NKAIN3: variants seen among roughly 807,000 people sequenced by gnomAD.
NKAIN3 encodes sodium/potassium transporting ATPase interacting 3, also known as sodium/potassium-transporting ATPase subunit beta-1-interacting protein 3.
NKAIN3 carries 25 observed loss-of-function variants against 30.2 expected under a neutral mutation model. The observed-to-expected ratio is 0.83, with a 90% CI of 0.60 to 1.16. The LOEUF (loss-of-function observed/expected upper bound fraction) is 1.16, where lower values mean the gene tolerates loss of function less well. Among genes scored for constraint, NKAIN3 ranks in the 50% most tolerant of loss-of-function variants. The pLI, the probability that NKAIN3 is intolerant of heterozygous loss-of-function variation, is 0.00. For synonymous variants in NKAIN3, 91 were observed against 89.6 expected (o/e 1.02, Z -0.09); for missense variants, 225 against 254.1 (o/e 0.89, Z 0.78).
chr8:62,755,645 G>A (rs566079503), intron 4 of NKAIN3, among the ~76,000 whole-genome samples: 1 of 151,972 alleles, frequency 6.6e-6, no homozygotes, highest in African/African-American at 2.4e-5. Context: ...CCTTTTACCA[G>A]AAAATCTATT....
At chr8:62,830,855 A>C (rs555830280) in intron 4 of NKAIN3, among the ~76,000 whole-genome samples, 1 of 152,184 alleles carries the variant, frequency 6.6e-6, no homozygotes. Flanking sequence ...TTCTCACTGG[A>C]CATCCCTTCA....
At chr8:62,477,944 A>G (rs1806573586) in intron 1 of NKAIN3, among the ~76,000 whole-genome samples, 2 of 152,192 alleles carry the variant, frequency 1.3e-5, no homozygotes, top group South Asian at 4.1e-4. Flanking sequence ...ATCAATACAT[A>G]TATAACATAA....
intron 1 of NKAIN3, among the ~76,000 whole-genome samples, chr8:62,381,065 TA>T (rs1166661169): frequency 6.6e-6 from 1 of 152,194 alleles, no homozygotes. Flanking sequence ...GTTTTCCAAT[TA>T]AAAACATAAA....
chr8:62,501,425 T>G (rs1381461004), intron 1 of NKAIN3, among the ~76,000 whole-genome samples: 1 of 152,182 alleles, frequency 6.6e-6, no homozygotes, highest in Non-Finnish European at 1.5e-5. Context: ...GCTGGTATTC[T>G]TCTGCTATGT....
At chr8:62,468,479 A>T (rs1806228465) in intron 1 of NKAIN3, among the ~76,000 whole-genome samples, 1 of 152,070 alleles carries the variant, frequency 6.6e-6, no homozygotes, top group Admixed American at 6.6e-5. Flanking sequence ...CAATGAAGAG[A>T]TGTTTCCTTG....
chr8:62,290,846 C>T (rs10917921), intron 1 of NKAIN3, among the ~76,000 whole-genome samples: 30 of 152,070 alleles, frequency 2.0e-4, no homozygotes, highest in South Asian at 4.1e-4. Context: ...TGGTAGAATT[C>T]AGCTGTGAAT....
intron 4 of NKAIN3, among the ~76,000 whole-genome samples, chr8:62,795,525 C>T (rs2130681287): frequency 1.3e-5 from 2 of 152,176 alleles, no homozygotes; most frequent in South Asian, 4.2e-4. Flanking sequence ...GATCCCAGCT[C>T]CAGAATTTAC....
At chr8:62,568,537 T>C (rs1809826636) in intron 1 of NKAIN3, among the ~76,000 whole-genome samples, 1 of 152,214 alleles carries the variant, frequency 6.6e-6, no homozygotes, top group African/African-American at 2.4e-5. Context: ...CTGAGTGAAT[T>C]TGTGATACAT....
chr8:62,375,332 A>T (rs1050263880), intron 1 of NKAIN3, among the ~76,000 whole-genome samples: 3 of 152,162 alleles, frequency 2.0e-5, no homozygotes, highest in African/African-American at 7.2e-5. Context: ...ATTGATAAGC[A>T]CTGCAGGTTT....
chr8:62,523,793 A>T (rs1476692358), intron 1 of NKAIN3, among the ~76,000 whole-genome samples: 4 of 152,196 alleles, frequency 2.6e-5, no homozygotes, highest in South Asian at 4.1e-4. Context: ...GCAAGTGTGT[A>T]TCGCGGGTAC....
chr8:62,845,785 A>T (rs1455670126), intron 4 of NKAIN3, among the ~76,000 whole-genome samples: 1 of 152,102 alleles, frequency 6.6e-6, no homozygotes, highest in Admixed American at 6.6e-5. Context: ...AAAAGAAAAA[A>T]ATGAGTGGCC....
rs185841983 is a variant in NKAIN3, at chr8:62,974,968, C to T, written c.*9561C>T. Among the ~76,000 whole-genome samples the T allele has an allele frequency of 7.4e-4, 113 of 152,204 alleles. 1 individual carries two copies. Among genetic ancestry groups the T allele is most frequent in the African/African-American group, 2.6e-3 (110 of 41,542 alleles). On this transcript the variant is annotated 3_prime_UTR_variant, in exon 7 of 7. Transcript: ENST00000623646. ...GTTTATGTGATGGATTACATTCATT[C>T]ATTTGCATATGTTGAAACAGCCTTG...
At chr8:62,813,231 T>C (rs996105482) in intron 4 of NKAIN3, among the ~76,000 whole-genome samples, 2 of 151,994 alleles carry the variant, frequency 1.3e-5, no homozygotes, top group African/African-American at 4.8e-5. Flanking sequence ...CAGTATCATG[T>C]GACTTTGGTT....
chr8:62,370,282 G>A (rs747202402), intron 1 of NKAIN3, among the ~76,000 whole-genome samples: 4 of 151,936 alleles, frequency 2.6e-5, no homozygotes, highest in Non-Finnish European at 5.9e-5. Context: ...AACCAGACCA[G>A]CAAACAAAAG....
chr8:62,771,328 A>T (rs1256915997), intron 4 of NKAIN3, among the ~76,000 whole-genome samples: 1 of 146,282 alleles, frequency 6.8e-6, no homozygotes, highest in East Asian at 2.1e-4. Context: ...AACAATAGAA[A>T]ATCTCAATAA....
chr8:62,749,293 T>C (rs1012794932), intron 4 of NKAIN3, among the ~76,000 whole-genome samples: 2 of 152,102 alleles, frequency 1.3e-5, no homozygotes, highest in African/African-American at 4.8e-5. Context: ...GGAGCTGGAG[T>C]GTCACATAAA....
intron 4 of NKAIN3, among the ~76,000 whole-genome samples, chr8:62,898,998 A>C (rs561770128): frequency 1.3e-5 from 2 of 152,358 alleles, no homozygotes; most frequent in South Asian, 4.1e-4. Context: ...ATCATTGATC[A>C]TCAGAGAAAT....
At chr8:62,495,951 G>A (rs1807224519) in intron 1 of NKAIN3, among the ~76,000 whole-genome samples, 1 of 152,132 alleles carries the variant, frequency 6.6e-6, no homozygotes, top group African/African-American at 2.4e-5. Flanking sequence ...TTATGCCACA[G>A]CACAGTCACA....
chr8:62,320,466 G>T (rs1450219913), intron 1 of NKAIN3, among the ~76,000 whole-genome samples: 1 of 152,104 alleles, frequency 6.6e-6, no homozygotes, highest in East Asian at 1.9e-4. Flanking sequence ...TGCAGTGGCT[G>T]GTACCGGTTG....
Sources: gnomAD v4.1 joint callset for allele counts (sites outside exome capture counted in the v4.1 genomes callset) on GRCh38, gnomAD v4.1.1 for gene constraint, MANE v1.5 for transcripts, NCBI Gene and HGNC (gene_info 2026-07-23, HGNC 2026-07-21) for gene names.